Variants in FDFT1 observed in about 807,000 individuals in gnomAD.
FDFT1 encodes squalene synthase.
A neutral mutation model predicts 46.8 loss-of-function variants in FDFT1; 68 were observed. The ratio of observed to expected loss-of-function variants is 1.45; its 90% CI spans 1.19 to 1.78. The LOEUF is 1.78. Ranked by LOEUF, FDFT1 falls within the 40% of genes most tolerant of loss-of-function variation. The pLI, the probability that FDFT1 is intolerant of heterozygous loss-of-function variation, is 0.00. For synonymous variants in FDFT1, 351 were observed against 185.1 expected, an observed-to-expected ratio of 1.90 and a Z score of -7.28; for missense variants, 928 against 524.4, an observed-to-expected ratio of 1.77 and a Z score of -7.52.
intron 3 of FDFT1, among the ~76,000 whole-genome samples, chr8:11,810,933 TAAAAAAAAAAAA>T (rs71539744): frequency 1.1e-5 from 1 of 89,448 alleles, no homozygotes; most frequent in African/African-American, 4.4e-5. Context: ...GAGCAATATT[TAAAAAAAAAAAA>T]AAAAAAAAAA....
chr8:11,833,500 A>G (rs535960442), intron 7 of FDFT1, among the ~76,000 whole-genome samples: 1 of 152,346 alleles, frequency 6.6e-6, no homozygotes, highest in East Asian at 1.9e-4. Flanking sequence ...TAGTTTTAGA[A>G]ACCAGTTTTT....
intron 3 of FDFT1, among the ~76,000 whole-genome samples, chr8:11,813,670 C>G (rs575302913): frequency 2.6e-5 from 4 of 152,220 alleles, no homozygotes; most frequent in African/African-American, 7.2e-5. Flanking sequence ...CTCTTACCCT[C>G]TATGTGGGAT....
chr8:11,798,389 C>G (rs911490131), upstream of FDFT1, among the ~76,000 whole-genome samples: 11 of 152,164 alleles, frequency 7.2e-5, no homozygotes, highest in Non-Finnish European at 1.6e-4. Context: ...ATAACTCTAC[C>G]TGCCATATGG....
At chr8:11,807,218 A>T (rs1477330407) in intron 1 of FDFT1, among the ~76,000 whole-genome samples, 1 of 152,156 alleles carries the variant, frequency 6.6e-6, no homozygotes, top group Non-Finnish European at 1.5e-5. Context: ...GTTCACTGTA[A>T]CGTGTATCTC....
At chr8:11,836,112 C>T (rs563874206) in intron 7 of FDFT1, among the ~76,000 whole-genome samples, 35 of 150,800 alleles carry the variant, frequency 2.3e-4, no homozygotes, top group Middle Eastern at 6.9e-3. Flanking sequence ...AAGATTGCAC[C>T]ACTGCACTCT....
chr8:11,809,193 C>T, intron 2 of FDFT1: 4 of 1,225,482 alleles, frequency 3.3e-6, no homozygotes, highest in Non-Finnish European at 3.1e-6. Context: ...CTCGGCTTCC[C>T]TTATCCAACT....
chr8:11,811,552 T>C (rs191324204), intron 3 of FDFT1, among the ~76,000 whole-genome samples: 2 of 152,358 alleles, frequency 1.3e-5, no homozygotes, highest in African/African-American at 2.4e-5. Flanking sequence ...CCAGATGATA[T>C]TCCAACATGT....
At chr8:11,803,821 T>C (rs1308046871) in intron 1 of FDFT1, 1 of 160,310 alleles carries the variant, frequency 6.2e-6, no homozygotes, top group African/African-American at 2.4e-5. Flanking sequence ...AAATTTCTGG[T>C]TTTTGTCCCC....
chr8:11,838,839 C>T lies in FDFT1; in HGVS notation c.*230C>T, dbSNP rs1012257908. 2.7e-5 allele frequency: 15 copies of T among 551,228 alleles called. No homozygotes were observed. Among genetic ancestry groups the T allele is most frequent in the Admixed American group, 6.2e-5 (2 of 32,074 alleles). The allele number at this position is 551,228 out of a possible 1,614,324, so 34.1% of individuals were successfully genotyped here. A position where few individuals can be genotyped will look rare whatever the true frequency, so the allele number is the denominator to read the frequency against. ...CTTGTGGGTGATGATCACTGTGCTG[C>T]TTGTGGCTCATGGCAGAGCATTCAG... On this transcript the variant is annotated 3_prime_UTR_variant, in exon 8 of 8. Transcript: ENST00000220584.
intron 7 of FDFT1, among the ~76,000 whole-genome samples, chr8:11,838,125 G>A (rs556094779): frequency 7.9e-5 from 12 of 152,272 alleles, no homozygotes; most frequent in Admixed American, 5.9e-4. Flanking sequence ...TGGCTCAGCC[G>A]CTGCTCTCGA....
At chr8:11,834,872 C>T (rs1563345033) in intron 7 of FDFT1, among the ~76,000 whole-genome samples, 1 of 152,136 alleles carries the variant, frequency 6.6e-6, no homozygotes, top group Non-Finnish European at 1.5e-5. Context: ...ACCTGTAATC[C>T]CAAAACTTTG....
intron 3 of FDFT1, among the ~76,000 whole-genome samples, chr8:11,820,091 C>T (rs561944556): frequency 6.6e-6 from 1 of 152,180 alleles, no homozygotes; most frequent in Non-Finnish European, 1.5e-5. Context: ...TTCCTTCTAA[C>T]AGAGGCCCGT....
intron 1 of FDFT1, 56 bp from the exon 2 acceptor site, chr8:11,808,738 A>ACTCCTG: frequency 6.4e-7 from 1 of 1,553,074 alleles, no homozygotes; most frequent in African/African-American, 1.7e-5. Flanking sequence ...TCCCACTCCC[A>ACTCCTG]CTCCCACTCC....
rs182478109 is a variant in FDFT1 at position 11,830,094 on chromosome 8, C to G, written c.703-150C>G. On this transcript the variant is annotated intron_variant, in intron 5 of 7. Transcript: ENST00000220584. Reference sequence around the variant, plus strand: ...AACTCCTGACCTCGTGATCCACCCTCCTCGGCCTCCCAAAGTGCTGGGATT... The same window carrying G: ...AACTCCTGACCTCGTGATCCACCCTGCTCGGCCTCCCAAAGTGCTGGGATT... The G allele has an allele frequency of 2.4e-4, 158 of 664,700 alleles. No homozygotes were observed. In the African/African-American group the frequency reaches 2.5e-3, roughly 11 times the overall value. The allele number at this position is 664,700 out of a possible 1,614,324, so 41.2% of individuals were successfully genotyped here.
intron 7 of FDFT1, among the ~76,000 whole-genome samples, chr8:11,833,586 A>C (rs1199111752): frequency 4.6e-5 from 7 of 152,220 alleles, no homozygotes; most frequent in Non-Finnish European, 2.9e-5. Context: ...TTGGGATTAA[A>C]TCCTGGTTGT....
upstream of FDFT1, among the ~76,000 whole-genome samples, chr8:11,798,677 C>G (rs1415892826): frequency 1.3e-5 from 2 of 152,166 alleles, no homozygotes; most frequent in African/African-American, 2.4e-5. Context: ...CGTTAACTAA[C>G]TTTGCATTGT....
Position 11,802,876 on chromosome 8 carries a change from A to G in FDFT1, c.44A>G (p.Asn15Ser), listed in dbSNP as rs774118489. 28 of 1,612,232 alleles carry G rather than the reference A, an allele frequency of 1.7e-5. No homozygotes were observed. The highest frequency in any genetic ancestry group is 2.3e-5 in the Non-Finnish European group (27 of 1,179,178). ...CTTGGCCACCCCGAAGAGTTCTACA[A>G]CCTGGTGCGCTTCCGGATCGGGGGC... ...KCLGHPEEFY[N>S]LVRFRIGGKR... Residue 15 changes from asparagine (N) to serine (S), a missense_variant, in exon 1 of 8, where the codon AAC (asparagine) becomes AGC (serine). Asn to Ser is a conservative substitution (Grantham distance 46). Transcript: ENST00000220584.
In FDFT1 at chr8:11,831,670, G is replaced by A. The variant is rs766902050; in HGVS notation, c.1032G>A (p.Glu344=). 2 of 1,611,532 alleles carry A rather than the reference G, an allele frequency of 1.2e-6. No individual in the cohort carries two copies. Among genetic ancestry groups the A allele is most frequent in the Admixed American group, 1.7e-5 (1 of 59,888 alleles). ...VKAIIYQYME[E]IYHRIPDSDP... ...CCATCATATATCAGTATATGGAAGA[G>A]GTGGGTTTTTATTTAACTACTTGGA... The change falls in exon 7 of 8, where the codon GAG becomes GAA. Residue 344 remains glutamate, a splice_region_variant and synonymous_variant. Coordinates refer to ENST00000220584, the MANE Select transcript of FDFT1 (RefSeq NM_004462.5).
At chr8:11,836,800 C>T (rs534504936) in intron 7 of FDFT1, among the ~76,000 whole-genome samples, 46 of 152,188 alleles carry the variant, frequency 3.0e-4, no homozygotes, top group Non-Finnish European at 5.7e-4. Context: ...CTTTGGGAGG[C>T]CGAGGTGGGT....
Sources: allele counts gnomAD v4.1 joint callset (sites outside exome capture counted in the v4.1 genomes callset), GRCh38; gene constraint gnomAD v4.1.1; transcripts MANE v1.5; gene names NCBI Gene and HGNC (gene_info 2026-07-23, HGNC 2026-07-21).